Variants in EGLN2 observed in about 807,000 individuals in gnomAD.
The protein encoded by EGLN2 is egl-9 family hypoxia inducible factor 2.
In EGLN2, 15 loss-of-function variants were observed where a neutral mutation model predicts 38.2. The ratio of observed to expected loss-of-function variants is 0.39; its 90% CI spans 0.26 to 0.60. The LOEUF is 0.60. Among genes scored for constraint, EGLN2 ranks in the 20% least tolerant of loss-of-function variants. The pLI, the probability that EGLN2 is intolerant of heterozygous loss-of-function variation, is 0.50. For synonymous variants in EGLN2, 284 were observed against 237.4 expected (o/e 1.20, Z -1.81); for missense variants, 492 against 570.4 (o/e 0.86, Z 1.40).
At position 40,800,682 on chromosome 19, in the gene EGLN2, A is replaced by G; in HGVS notation, c.110A>G (p.Glu37Gly). The G allele has an allele frequency of 6.2e-7, 1 of 1,613,954 alleles. No individual in the cohort carries two copies. The highest frequency in any genetic ancestry group is 8.5e-7 in the Non-Finnish European group (1 of 1,179,970). ...CCTGGCCGGGCCAGGATGGGAGTGG[A>G]GAGTTACCTGCCCTGTCCCCTGCTC... ...PEPGRARMGVESYLPCPLLPS... is the reference protein window; with the variant it reads ...PEPGRARMGVGSYLPCPLLPS... The change falls in exon 2 of 6, where the codon GAG becomes GGG. Residue 37 changes from glutamate (E) to glycine (G), a missense_variant. By Grantham distance (98) the Glu-to-Gly change is moderately conservative (BLOSUM62 -2). This residue lies in a region of EGLN2 where 378 missense variants were observed against 386.2 expected (regional missense o/e 0.98). Transcript: ENST00000303961.
Position 40,807,558 on chromosome 19 carries a change from G to A in EGLN2, c.1168+7G>A. 6.2e-7 allele frequency: 1 copy of A among 1,614,076 alleles called. No homozygotes were observed. The highest frequency in any genetic ancestry group is 8.5e-7 in the Non-Finnish European group (1 of 1,179,926). On this transcript the variant is annotated splice_region_variant and intron_variant, in intron 5 of 5. Coordinates refer to ENST00000303961, the MANE Select transcript of EGLN2 (RefSeq NM_080732.4). ...AAAGACAAGTATCAGCTAGGTACCT[G>A]CTTCCCTCCCTTCAGTCCTTCCTAT...
At chr19:40,807,419 C>G in intron 4 of EGLN2, 65 bp from the exon 5 acceptor site, 1 of 1,608,418 alleles carries the variant, frequency 6.2e-7, no homozygotes, top group South Asian at 1.1e-5. Context: ...GGATGGCCGC[C>G]TAGTGTGTGT....
chr19:40,801,100 C>G lies in EGLN2; in HGVS notation c.528C>G (p.Arg176=). The G allele has an allele frequency of 6.2e-7, 1 of 1,612,802 alleles. No homozygotes were observed. Among genetic ancestry groups the G allele is most frequent in the Non-Finnish European group, 8.5e-7 (1 of 1,179,940 alleles). ...AGGCGCTGCCCTCTGCGCCCGAGCG[C>G]CTGGCCCTGGACTATATCGTGCCCT... ...MEEALPSAPE[R]LALDYIVPCM... Residue 176 remains arginine, a synonymous_variant, in exon 2 of 6, where the codon CGC becomes CGG. Coordinates refer to ENST00000303961, the MANE Select transcript of EGLN2 (RefSeq NM_080732.4).
In EGLN2 at chr19:40,807,142, A is replaced by G. The variant is rs1376150489; in HGVS notation, c.968A>G (p.His323Arg). Residue 323 changes from histidine (H) to arginine (R), a missense_variant, in exon 4 of 6, where the codon CAT becomes CGT. His to Arg is a conservative substitution (Grantham distance 29). Around this residue, in one of 2 missense-constraint regions of EGLN2, gnomAD observed 114 missense variants for 184.2 expected, o/e 0.62. Transcript: ENST00000303961. ...YLNQNWDVKV[H>R]GGLLQIFPEG... The stretch of plus-strand genomic sequence containing the variant: ...CATCCTTTGGCCTGCCCCCAGGTGC[A>G]TGGCGGCCTGCTGCAGATCTTCCCT... 2 of 1,613,940 alleles carry G rather than the reference A, an allele frequency of 1.2e-6. No homozygotes were observed. Among genetic ancestry groups the G allele is most frequent in the Non-Finnish European group, 1.7e-6 (2 of 1,179,976 alleles).
At position 40,801,720 on chromosome 19, in the gene EGLN2, G is replaced by A. The variant is rs962996139; in HGVS notation, c.843+305G>A. ...TTCTTGGGTGTTTCTCGCAGAGGGG[G>A]ATTTGGCAGGGTCACAGGACAATAG... On this transcript the variant is annotated intron_variant, in intron 2 of 5. Transcript: ENST00000303961. Among the ~76,000 whole-genome samples the A allele has an allele frequency of 4.8e-5, 7 of 147,232 alleles. No individual in the cohort carries two copies. The South Asian group carries it at 1.5e-3, about 32-fold the overall frequency.
At position 40,807,938 on chromosome 19, in the gene EGLN2, C is replaced by A; in HGVS notation, c.*74C>A. On this transcript the variant is annotated 3_prime_UTR_variant, in exon 6 of 6. Transcript: ENST00000303961. ...AGCCCTGGGCCTGTGCTGGCTGCTC[C>A]TTCCCTGCCACCGCTGCTGCTTCTG... 7.0e-7 allele frequency: 1 copy of A among 1,434,606 alleles called. No homozygotes were observed. Among genetic ancestry groups the A allele is most frequent in the Non-Finnish European group, 9.7e-7 (1 of 1,028,400 alleles). 88.9% of individuals were successfully genotyped at this position (1,434,606 alleles called of 1,614,324 possible).
intron 4 of EGLN2, 37 bp downstream of exon 4, chr19:40,807,311 C>G (rs368111408): frequency 8.1e-6 from 13 of 1,612,976 alleles, no homozygotes; most frequent in Non-Finnish European, 1.0e-5. Context: ...CCCAGGTGCT[C>G]CCCCTGTGAC....
intron 3 of EGLN2, 37 bp downstream of exon 3, chr19:40,806,711 C>T (rs2083304040): frequency 6.2e-7 from 1 of 1,601,636 alleles, no homozygotes; most frequent in African/African-American, 1.3e-5. Context: ...GGCGCTGGGG[C>T]TAGGGCTGGG....
rs765090515 is a variant in EGLN2 at position 40,807,486 on chromosome 19, A to C, written c.1103A>C (p.Tyr368Ser). Residue 368 changes from tyrosine (Y) to serine (S), a missense_variant and splice_region_variant, in exon 5 of 6, where the codon TAC becomes TCC. Physicochemically the swap from Tyr to Ser is moderately radical, Grantham distance 144. Around this residue, in one of 2 missense-constraint regions of EGLN2, gnomAD observed 114 missense variants for 184.2 expected, o/e 0.62. Coordinates refer to ENST00000303961, the MANE Select transcript of EGLN2 (RefSeq NM_080732.4). ...TGTCCAACCACCCTGGTCTCCAGGT[A>C]CGCCATCACTGTCTGGTATTTTGAT... Reference protein sequence around the residue: ...HEVKPAYATRYAITVWYFDAK... With the variant: ...HEVKPAYATRSAITVWYFDAK... The C allele has an allele frequency of 6.2e-7, 1 of 1,614,144 alleles. No homozygotes were observed. Among genetic ancestry groups the C allele is most frequent in the Middle Eastern group, 1.7e-4 (1 of 6,060 alleles).
chr19:40,800,955 C>A lies in EGLN2; in HGVS notation c.383C>A (p.Ala128Asp), dbSNP rs1473662170. 2 of 1,610,728 alleles carry A rather than the reference C, an allele frequency of 1.2e-6. No individual in the cohort carries two copies. Among genetic ancestry groups the A allele is most frequent in the Admixed American group, 1.7e-5 (1 of 59,388 alleles). The change falls in exon 2 of 6, where the codon GCC becomes GAC. Residue 128 changes from alanine (A) to aspartate (D), a missense_variant. Physicochemically the swap from Ala to Asp is moderately radical, Grantham distance 126. Coordinates refer to ENST00000303961, the MANE Select transcript of EGLN2 (RefSeq NM_080732.4). Reference sequence around the variant, plus strand: ...AAATGGGCCGAGGATGGTGGGGATGCCCCTTCACCCAGCAAACGGCCCTGG... The same window carrying A: ...AAATGGGCCGAGGATGGTGGGGATGACCCTTCACCCAGCAAACGGCCCTGG... ...KRKWAEDGGD[A>D]PSPSKRPWAR... is the part of the protein sequence containing the mutation.
At chr19:40,803,716 C>T (rs553481084) in intron 2 of EGLN2, among the ~76,000 whole-genome samples, 7 of 152,290 alleles carry the variant, frequency 4.6e-5, no homozygotes, top group African/African-American at 1.7e-4. Context: ...AGTTGACTCC[C>T]ACTGGCAGCA....
rs199636440 is a variant in EGLN2, at chr19:40,801,187, C to A, written c.615C>A (p.Arg205=). The change falls in exon 2 of 6, where the codon CGC becomes CGA. Residue 205 remains arginine (R), a synonymous_variant. Transcript: ENST00000303961. ...TCCTGGGGGCAGCACTGGGCGGTCGCGTGCTGGCCGAGGTGGAGGCCCTCA... is the reference window on the plus strand; with the variant it reads ...TCCTGGGGGCAGCACTGGGCGGTCGAGTGCTGGCCGAGGTGGAGGCCCTCA... ...DSFLGAALGG[R]VLAEVEALKR... 34 of 1,612,784 alleles carry A rather than the reference C, an allele frequency of 2.1e-5. No individual in the cohort carries two copies. Among genetic ancestry groups the A allele is most frequent in the Non-Finnish European group, 2.7e-5 (32 of 1,179,916 alleles).
rs76268776 is a variant in EGLN2 at position 40,800,164 on chromosome 19, C to T, written c.-234-175C>T. On this transcript the variant is annotated intron_variant, in intron 1 of 5. Coordinates refer to ENST00000303961, the MANE Select transcript of EGLN2 (RefSeq NM_080732.4). ...CTGCCTCTTATCTGTCAGCGGACTC[C>T]CGCACCTCCAGATTCTCAGGGTCCT... 3,155 of 199,708 alleles carry T rather than the reference C, an allele frequency of 0.016. 107 individuals are homozygous for T. The highest frequency in any genetic ancestry group is 0.066 in the African/African-American group (2,850 of 43,068). The allele number at this position is 199,708 out of a possible 1,614,324, so 12.4% of individuals were successfully genotyped here.
At chr19:40,802,126 A>G (rs1403091447) in intron 2 of EGLN2, among the ~76,000 whole-genome samples, 1 of 152,022 alleles carries the variant, frequency 6.6e-6, no homozygotes, top group Non-Finnish European at 1.5e-5. Context: ...TTGCTGGCCC[A>G]TGTTTCTAGT....
Position 40,801,101 on chromosome 19 carries a change from C to T in EGLN2, c.529C>T (p.Leu177=), listed in dbSNP as rs935705560. The change falls in exon 2 of 6, where the codon CTG becomes TTG. Residue 177 remains leucine (L), a synonymous_variant. Coordinates refer to ENST00000303961, the MANE Select transcript of EGLN2 (RefSeq NM_080732.4). ...GGCGCTGCCCTCTGCGCCCGAGCGC[C>T]TGGCCCTGGACTATATCGTGCCCTG... The part of the protein sequence containing the change: ...EEALPSAPER[L]ALDYIVPCMR... The T allele has an allele frequency of 1.2e-6, 2 of 1,612,716 alleles. No homozygotes were observed. Among genetic ancestry groups the T allele is most frequent in the Non-Finnish European group, 1.7e-6 (2 of 1,179,938 alleles).
Position 40,808,220 on chromosome 19 carries a change from C to A in EGLN2, c.*356C>A. 1 of 445,838 alleles carries A rather than the reference C, an allele frequency of 2.2e-6. No homozygotes were observed. The highest frequency in any genetic ancestry group is 5.8e-5 in the South Asian group (1 of 17,258). The allele number at this position is 445,838 out of a possible 1,614,324, so 27.6% of individuals were successfully genotyped here. A position where few individuals can be genotyped will look rare whatever the true frequency, so the allele number is the denominator to read the frequency against. Reference sequence around the variant, plus strand: ...TGCAGGACTTGGGGTTGAGGTGAGTCATGGCCTCTTGCTGGCAATGGGGTG... The same window carrying A: ...TGCAGGACTTGGGGTTGAGGTGAGTAATGGCCTCTTGCTGGCAATGGGGTG... On this transcript the variant is annotated 3_prime_UTR_variant, in exon 6 of 6. Coordinates refer to ENST00000303961, the MANE Select transcript of EGLN2 (RefSeq NM_080732.4).
intron 2 of EGLN2, chr19:40,805,265 T>G (rs2083293033): frequency 6.6e-6 from 1 of 152,360 alleles, no homozygotes. Context: ...GGGGAGAAGT[T>G]GAAGGGTCCT....
In EGLN2 at chr19:40,800,746, G is replaced by A. The variant is rs201792939; in HGVS notation, c.174G>A (p.Ser58=). ...GTCCAGGAGTGCCTAGTGAGGCCTCGGCAGGGAGTGGGACCCCCAGAGCCA... is the reference window on the plus strand; with the variant it reads ...GTCCAGGAGTGCCTAGTGAGGCCTCAGCAGGGAGTGGGACCCCCAGAGCCA... ...YHCPGVPSEA[S]AGSGTPRATA... The change falls in exon 2 of 6, where the codon TCG becomes TCA. Residue 58 remains serine (S), a synonymous_variant. Transcript: ENST00000303961. The A allele has an allele frequency of 2.5e-6, 4 of 1,613,596 alleles. No individual in the cohort carries two copies. The highest frequency in any genetic ancestry group is 1.7e-5 in the Admixed American group (1 of 59,992).
chr19:40,807,072 G>T, intron 3 of EGLN2, 66 bp from the exon 4 acceptor site: 1 of 1,598,292 alleles, frequency 6.3e-7, no homozygotes. Context: ...GTGGGCTCCC[G>T]GGGCACCGTG....
Sources: allele counts gnomAD v4.1 joint callset (sites outside exome capture counted in the v4.1 genomes callset), GRCh38; gene constraint gnomAD v4.1.1; regional missense constraint gnomAD v4.1.1; transcripts MANE v1.5; gene names NCBI Gene and HGNC (gene_info 2026-07-23, HGNC 2026-07-21).